The following PTK2 variants were observed in gnomAD, a reference collection of about 807,000 sequenced individuals.
The protein encoded by PTK2 is protein tyrosine kinase 2.
PTK2 carries 45 observed loss-of-function variants against 150.1 expected under a neutral mutation model. That is an observed-to-expected ratio of 0.30 (90% CI 0.24 to 0.38). The LOEUF (loss-of-function observed/expected upper bound fraction) is 0.38. Among genes scored for constraint, PTK2 ranks in the 10% least tolerant of loss-of-function variants. PTK2 has a pLI of 1.00. For synonymous variants in PTK2, 432 were observed against 449.2 expected, an observed-to-expected ratio of 0.96 and a Z score of 0.48; for missense variants, 919 against 1,307.3, an observed-to-expected ratio of 0.70 and a Z score of 4.58.
intron 23 of PTK2, among the ~76,000 whole-genome samples, chr8:140,709,625 G>A (rs973033125): frequency 1.2e-4 from 18 of 152,150 alleles, no homozygotes; most frequent in Admixed American, 7.2e-4. Flanking sequence ...TGGAGCTGCC[G>A]TGAAGATTAA....
chr8:140,896,261 T>C (rs1316688711), intron 2 of PTK2, among the ~76,000 whole-genome samples: 4 of 152,194 alleles, frequency 2.6e-5, no homozygotes, highest in Non-Finnish European at 4.4e-5. Flanking sequence ...CACAAATTCT[T>C]CCAGAAAACA....
chr8:140,940,978 AT>A (rs1272688559), intron 1 of PTK2, among the ~76,000 whole-genome samples: 2 of 152,098 alleles, frequency 1.3e-5, no homozygotes, highest in African/African-American at 4.8e-5. Flanking sequence ...CTCAAAAAAA[AT>A]TTTTTTAATT....
intron 2 of PTK2, among the ~76,000 whole-genome samples, chr8:140,913,613 A>C (rs2100164081): frequency 6.6e-6 from 1 of 152,102 alleles, no homozygotes; most frequent in African/African-American, 2.4e-5. Context: ...TAAACTTAAA[A>C]GCCAAAAATT....
At chr8:140,816,136 G>T (rs1169382009) in intron 10 of PTK2, among the ~76,000 whole-genome samples, 1 of 152,114 alleles carries the variant, frequency 6.6e-6, no homozygotes, top group African/African-American at 2.4e-5. Flanking sequence ...TAATAAGGTT[G>T]CAGACTGTAT....
chr8:140,740,608 A>G (rs2100055123), intron 20 of PTK2, among the ~76,000 whole-genome samples: 1 of 152,214 alleles, frequency 6.6e-6, no homozygotes, highest in African/African-American at 2.4e-5. Flanking sequence ...TATCTGTGTG[A>G]ATTTGTCAAC....
chr8:140,752,703 G>C (rs1470053696), intron 16 of PTK2, among the ~76,000 whole-genome samples: 1 of 152,260 alleles, frequency 6.6e-6, no homozygotes, highest in Admixed American at 6.5e-5. Flanking sequence ...TAGTATGTTA[G>C]AAGGTAACCG....
chr8:140,743,425 A>G, intron 19 of PTK2, 95 bp from the exon 23 acceptor site: 1 of 844,782 alleles, frequency 1.2e-6, no homozygotes, highest in Non-Finnish European at 1.9e-6. Context: ...ACTTTGAAAG[A>G]CAGCTTATAT....
chr8:140,714,822 A>AAAAAAAT (rs2100038734), intron 23 of PTK2, among the ~76,000 whole-genome samples: 4 of 148,588 alleles, frequency 2.7e-5, no homozygotes, highest in Non-Finnish European at 4.5e-5. Flanking sequence ...AAAAAAAAAA[A>AAAAAAAT]TCTAAGTAAG....
chr8:140,794,473 G>C (rs779051680), intron 12 of PTK2, among the ~76,000 whole-genome samples: 1 of 152,056 alleles, frequency 6.6e-6, no homozygotes, highest in Non-Finnish European at 1.5e-5. Flanking sequence ...TTTTGCCCTT[G>C]AATTCATTCT....
chr8:140,978,557 T>C (rs1434561605), intron 1 of PTK2, among the ~76,000 whole-genome samples: 2 of 151,616 alleles, frequency 1.3e-5, no homozygotes, highest in East Asian at 1.9e-4. Context: ...AAAACCACAA[T>C]GAGATACCAT....
intron 2 of PTK2, among the ~76,000 whole-genome samples, chr8:140,902,946 T>TTTG (rs1237217635): frequency 2.0e-4 from 29 of 143,276 alleles, no homozygotes; most frequent in Non-Finnish European, 4.3e-4. Context: ...TTTTTTTTTT[T>TTTG]TTTTTTTTTT....
At chr8:140,982,064 T>TAA (rs142919207) in intron 1 of PTK2, among the ~76,000 whole-genome samples, 94 of 112,288 alleles carry the variant, frequency 8.4e-4, no homozygotes, top group African/African-American at 1.2e-3. Context: ...ACCAACTCAA[T>TAA]AAAAAAAAAA....
At position 140,707,879 on chromosome 8, in the gene PTK2, T is replaced by C. The variant is rs535566571; in HGVS notation, c.2143-1674A>G. Among the ~76,000 whole-genome samples the C allele has an allele frequency of 2.6e-5, 4 of 152,356 alleles. No homozygotes were observed. In the East Asian group the frequency reaches 5.8e-4, roughly 22 times the overall value. ...GAGAAGGCACTTGTGTTCTATTGTT[T>C]GACTACTTCCCGGTTGCGTGACTGT... On this transcript the variant is annotated intron_variant, in intron 23 of 31. Transcript: ENST00000522684.
chr8:140,938,129 A>G (rs921660326), intron 1 of PTK2, among the ~76,000 whole-genome samples: 1 of 152,184 alleles, frequency 6.6e-6, no homozygotes, highest in Non-Finnish European at 1.5e-5. Flanking sequence ...TCATGCAAAG[A>G]GAGACGATGC....
intron 8 of PTK2, among the ~76,000 whole-genome samples, chr8:140,830,084 TACACACACACAC>T (rs67413157): frequency 6.7e-5 from 10 of 149,286 alleles, no homozygotes; most frequent in African/African-American, 2.2e-4. Flanking sequence ...CGCACACACA[TACACACACACAC>T]ACACACACAC....
At chr8:140,991,950 C>T (rs2100195847) in intron 1 of PTK2, among the ~76,000 whole-genome samples, 1 of 151,724 alleles carries the variant, frequency 6.6e-6, no homozygotes, top group Non-Finnish European at 1.5e-5. Context: ...GAGCTGTGAT[C>T]GCGCACTCCA....
At chr8:140,945,198 C>T (rs997284041) in intron 1 of PTK2, among the ~76,000 whole-genome samples, 17 of 152,142 alleles carry the variant, frequency 1.1e-4, no homozygotes, top group African/African-American at 3.6e-4. Flanking sequence ...AAGATTTTTC[C>T]GTAAATCAAT....
intron 2 of PTK2, among the ~76,000 whole-genome samples, chr8:140,895,801 T>C (rs894804226): frequency 6.6e-6 from 1 of 152,172 alleles, no homozygotes; most frequent in Non-Finnish European, 1.5e-5. Context: ...TTATGCACTG[T>C]ATGCCTATAT....
chr8:140,902,118 C>T (rs1412406954), intron 2 of PTK2, among the ~76,000 whole-genome samples: 1 of 151,410 alleles, frequency 6.6e-6, no homozygotes, highest in Non-Finnish European at 1.5e-5. Context: ...ACTGCAGCCT[C>T]TGACCCCCGG....
Sources: gnomAD v4.1 joint callset for allele counts (sites outside exome capture counted in the v4.1 genomes callset) on GRCh38, gnomAD v4.1.1 for gene constraint, MANE v1.5 for transcripts, NCBI Gene and HGNC (gene_info 2026-07-23, HGNC 2026-07-21) for gene names.